KCTD8: variants seen among roughly 807,000 people sequenced by gnomAD.
KCTD8 encodes potassium channel tetramerization domain containing 8.
In KCTD8, 27 loss-of-function variants were observed where a neutral mutation model predicts 31.5. That is an observed-to-expected ratio of 0.86 (90% CI 0.63 to 1.18). The LOEUF is 1.18. Among genes scored for constraint, KCTD8 ranks in the 50% most tolerant of loss-of-function variants. The probability of loss-of-function intolerance (pLI) is 0.00; values close to 1 mark genes in which losing one functional copy is unlikely to be tolerated. For synonymous variants in KCTD8, 290 were observed against 280.0 expected, an observed-to-expected ratio of 1.04 and a Z score of -0.36; for missense variants, 658 against 647.7, an observed-to-expected ratio of 1.02 and a Z score of -0.17.
At chr4:44,372,700 G>C (rs1442000841) in intron 1 of KCTD8, among the ~76,000 whole-genome samples, 1 of 152,030 alleles carries the variant, frequency 6.6e-6, no homozygotes, top group Admixed American at 6.6e-5. Context: ...GAAAAGAAAG[G>C]TCTTAAAGCT....
intron 1 of KCTD8, among the ~76,000 whole-genome samples, chr4:44,357,250 T>C (rs1437961098): frequency 6.6e-6 from 1 of 152,104 alleles, no homozygotes; most frequent in Non-Finnish European, 1.5e-5. Flanking sequence ...ACAAAACTGG[T>C]AAAGTGGTGG....
intron 1 of KCTD8, among the ~76,000 whole-genome samples, chr4:44,375,253 A>G (rs972095795): frequency 6.6e-6 from 1 of 152,144 alleles, no homozygotes; most frequent in African/African-American, 2.4e-5. Flanking sequence ...GAGGTAAGAA[A>G]CAAGGAAGAC....
At chr4:44,198,932 T>TTTA (rs750427000) in intron 1 of KCTD8, among the ~76,000 whole-genome samples, 18 of 151,974 alleles carry the variant, frequency 1.2e-4, no homozygotes, top group African/African-American at 4.3e-4. Flanking sequence ...TAATGACGAC[T>TTTA]CTAAGTAAAG....
intron 1 of KCTD8, among the ~76,000 whole-genome samples, chr4:44,290,775 C>T (rs895165360): frequency 6.6e-6 from 1 of 151,870 alleles, no homozygotes. Context: ...AAATTAGAGA[C>T]ACATCTTACC....
intron 1 of KCTD8, among the ~76,000 whole-genome samples, chr4:44,398,049 A>G (rs1275554904): frequency 2.6e-5 from 4 of 152,176 alleles, no homozygotes; most frequent in Non-Finnish European, 4.4e-5. Flanking sequence ...TTTGATAGAG[A>G]ATTGAAATAC....
At chr4:44,183,189 T>C (rs1713479426) in intron 1 of KCTD8, among the ~76,000 whole-genome samples, 2 of 152,300 alleles carry the variant, frequency 1.3e-5, no homozygotes, top group East Asian at 1.9e-4. Context: ...AAAATAGAAA[T>C]ATCTAGTCGC....
At chr4:44,433,507 A>G (rs1002127913) in intron 1 of KCTD8, among the ~76,000 whole-genome samples, 3 of 151,728 alleles carry the variant, frequency 2.0e-5, no homozygotes, top group African/African-American at 7.3e-5. Flanking sequence ...ATGGGAGTAT[A>G]TAAGTCTGCA....
chr4:44,199,528 A>T (rs1313246485), intron 1 of KCTD8, among the ~76,000 whole-genome samples: 1 of 152,120 alleles, frequency 6.6e-6, no homozygotes, highest in African/African-American at 2.4e-5. Flanking sequence ...AATATGTGGA[A>T]ATTAATCAAC....
chr4:44,308,218 T>C (rs1485720609), intron 1 of KCTD8, among the ~76,000 whole-genome samples: 1 of 152,058 alleles, frequency 6.6e-6, no homozygotes, highest in Non-Finnish European at 1.5e-5. Flanking sequence ...TAGCTACATA[T>C]GAAAGCAGAA....
chr4:44,294,149 C>T (rs1230057072), intron 1 of KCTD8, among the ~76,000 whole-genome samples: 2 of 152,032 alleles, frequency 1.3e-5, no homozygotes, highest in Non-Finnish European at 2.9e-5. Context: ...GACACATGCA[C>T]GTTCTCTATA....
At chr4:44,319,447 G>A (rs1379231332) in intron 1 of KCTD8, among the ~76,000 whole-genome samples, 1 of 150,710 alleles carries the variant, frequency 6.6e-6, no homozygotes, top group Non-Finnish European at 1.5e-5. Flanking sequence ...TTTAGGGACT[G>A]AGTACCCCTG....
At chr4:44,431,288 T>C (rs1721495802) in intron 1 of KCTD8, among the ~76,000 whole-genome samples, 1 of 151,580 alleles carries the variant, frequency 6.6e-6, no homozygotes, top group Non-Finnish European at 1.5e-5. Context: ...TTCTCTCCTA[T>C]CCACCCCTTT....
At chr4:44,227,344 G>A (rs138065600) in intron 1 of KCTD8, among the ~76,000 whole-genome samples, 1 of 152,274 alleles carries the variant, frequency 6.6e-6, no homozygotes, top group East Asian at 1.9e-4. Context: ...AAGATCAGAT[G>A]GTTGTAGCTG....
intron 1 of KCTD8, among the ~76,000 whole-genome samples, chr4:44,365,329 A>G (rs1560436989): frequency 6.6e-6 from 1 of 152,182 alleles, no homozygotes; most frequent in African/African-American, 2.4e-5. Context: ...AAGGAAAATC[A>G]GTCTTTATAA....
intron 1 of KCTD8, among the ~76,000 whole-genome samples, chr4:44,445,782 T>C (rs908375481): frequency 6.6e-6 from 1 of 152,192 alleles, no homozygotes; most frequent in Non-Finnish European, 1.5e-5. Context: ...TCATTTTACC[T>C]TATCTTCTGA....
chr4:44,250,355 T>A (rs1715791677), intron 1 of KCTD8, among the ~76,000 whole-genome samples: 1 of 151,846 alleles, frequency 6.6e-6, no homozygotes, highest in Non-Finnish European at 1.5e-5. Flanking sequence ...CCATTGTTGT[T>A]TTAATACTAA....
intron 1 of KCTD8, among the ~76,000 whole-genome samples, chr4:44,207,852 T>C (rs1489593927): frequency 6.6e-6 from 1 of 152,156 alleles, no homozygotes; most frequent in Non-Finnish European, 1.5e-5. Context: ...GAAGATGAAA[T>C]TGCTTTGCCT....
intron 1 of KCTD8, among the ~76,000 whole-genome samples, chr4:44,341,736 T>C (rs899738195): frequency 6.6e-6 from 1 of 152,224 alleles, no homozygotes; most frequent in African/African-American, 2.4e-5. Flanking sequence ...ACTGAAGTTT[T>C]GAACCCTACA....
At position 44,333,699 on chromosome 4, in the gene KCTD8, G is replaced by A. The variant is rs558443904; in HGVS notation, c.961+113864C>T. On this transcript the variant is annotated intron_variant, in intron 1 of 1. Coordinates refer to ENST00000360029, the MANE Select transcript of KCTD8 (RefSeq NM_198353.3). ...GTAAAAATAAGATGACCTAGGAGCT[G>A]AGCTAAGAATGTGATGTTGTATTGA... 2.0e-5 allele frequency among the ~76,000 whole-genome samples: 3 copies of A among 152,158 alleles called. No individual in the cohort carries two copies. In the South Asian group the frequency reaches 6.2e-4, roughly 32 times the overall value.
Sources: allele counts gnomAD v4.1 joint callset (sites outside exome capture counted in the v4.1 genomes callset), GRCh38; gene constraint gnomAD v4.1.1; transcripts MANE v1.5; gene names NCBI Gene and HGNC (gene_info 2026-07-23, HGNC 2026-07-21).